Variants in ATRNL1 observed in about 807,000 individuals in gnomAD.
ATRNL1 encodes attractin-like protein 1.
In ATRNL1, 95 loss-of-function variants were observed where a neutral mutation model predicts 182.7. That is an observed-to-expected ratio of 0.52 (90% CI 0.44 to 0.62). The LOEUF is 0.62. Among genes scored for constraint, ATRNL1 ranks in the 20% least tolerant of loss-of-function variants. ATRNL1 has a pLI of 0.00. For missense variants in ATRNL1, 1,471 were observed against 1,679.5 expected, an observed-to-expected ratio of 0.88 and a Z score of 2.17; for synonymous variants, 576 against 568.3, an observed-to-expected ratio of 1.01 and a Z score of -0.19.
At chr10:115,309,648 T>A (rs190282860) in intron 17 of ATRNL1, among the ~76,000 whole-genome samples, 6 of 152,246 alleles carry the variant, frequency 3.9e-5, no homozygotes, top group Admixed American at 3.9e-4. Context: ...CTGAATTGAT[T>A]TATCAAATCT....
intron 28 of ATRNL1, among the ~76,000 whole-genome samples, chr10:115,940,678 TC>T (rs59667061): frequency 0.23 from 32,359 of 142,276 alleles, 4,956 homozygotes; most frequent in African/African-American, 0.47. Context: ...GATTACTCTC[TC>T]TCTCTCTCTC....
chr10:115,413,364 G>A (rs1233244471), intron 20 of ATRNL1, among the ~76,000 whole-genome samples: 6 of 151,998 alleles, frequency 3.9e-5, no homozygotes, highest in South Asian at 2.1e-4. Flanking sequence ...CTGATAGGAC[G>A]TGACATTAAT....
At chr10:115,680,732 AC>A (rs1946018508) in intron 26 of ATRNL1, among the ~76,000 whole-genome samples, 2 of 152,164 alleles carry the variant, frequency 1.3e-5, no homozygotes, top group Non-Finnish European at 1.5e-5. Flanking sequence ...AATGATATGG[AC>A]AAAAATTTTA....
chr10:115,509,829 A>T (rs1345423875), intron 24 of ATRNL1, among the ~76,000 whole-genome samples: 1 of 152,020 alleles, frequency 6.6e-6, no homozygotes. Flanking sequence ...TATAGCTGAC[A>T]TAGGTGATGA....
At chr10:115,799,067 C>T (rs1162345777) in intron 27 of ATRNL1, among the ~76,000 whole-genome samples, 1 of 152,044 alleles carries the variant, frequency 6.6e-6, no homozygotes, top group African/African-American at 2.4e-5. Flanking sequence ...CCTCGTGTTC[C>T]GCCCACCTCA....
chr10:115,706,034 T>C (rs1946885924), intron 26 of ATRNL1, among the ~76,000 whole-genome samples: 1 of 151,934 alleles, frequency 6.6e-6, no homozygotes, highest in South Asian at 2.1e-4. Flanking sequence ...TCCCTGTGGC[T>C]AGTACAACAC....
At chr10:115,632,987 G>T (rs984310785) in intron 26 of ATRNL1, among the ~76,000 whole-genome samples, 1 of 151,758 alleles carries the variant, frequency 6.6e-6, no homozygotes, top group East Asian at 1.9e-4. Flanking sequence ...CCGCCTCCCG[G>T]ATTTAAATGA....
intron 19 of ATRNL1, among the ~76,000 whole-genome samples, chr10:115,360,253 A>C (rs2134153725): frequency 6.6e-6 from 1 of 151,946 alleles, no homozygotes; most frequent in African/African-American, 2.4e-5. Context: ...CAAAAGAATA[A>C]AAATGCATTT....
At chr10:115,161,935 A>G (rs1846806695) in intron 6 of ATRNL1, among the ~76,000 whole-genome samples, 1 of 152,120 alleles carries the variant, frequency 6.6e-6, no homozygotes, top group African/African-American at 2.4e-5. Context: ...TTTAAGACAA[A>G]TTATTCACTA....
At chr10:115,535,393 A>T (rs868958339) in intron 25 of ATRNL1, among the ~76,000 whole-genome samples, 822 of 136,550 alleles carry the variant, frequency 6.0e-3, no homozygotes, top group Middle Eastern at 0.013. Flanking sequence ...CTTCCAGTTG[A>T]TCGCATCGGC....
intron 21 of ATRNL1, among the ~76,000 whole-genome samples, chr10:115,433,285 A>C (rs550101273): frequency 7.4e-4 from 112 of 152,240 alleles, no homozygotes; most frequent in African/African-American, 2.5e-3. Context: ...GAAACCAATT[A>C]ATACTTGAAT....
chr10:115,584,060 T>C (rs1487816510), intron 26 of ATRNL1, among the ~76,000 whole-genome samples: 2 of 152,124 alleles, frequency 1.3e-5, no homozygotes, highest in Non-Finnish European at 2.9e-5. Context: ...CATTTATTGA[T>C]TTGCGTGTAT....
At chr10:115,800,629 G>C (rs1391733434) in intron 27 of ATRNL1, among the ~76,000 whole-genome samples, 1 of 152,150 alleles carries the variant, frequency 6.6e-6, no homozygotes, top group Non-Finnish European at 1.5e-5. Context: ...AATGGACTGA[G>C]TTTTTGTGTC....
intron 21 of ATRNL1, among the ~76,000 whole-genome samples, chr10:115,432,683 G>A (rs1356912656): frequency 6.6e-6 from 1 of 151,996 alleles, no homozygotes. Context: ...ATATTATAAA[G>A]CATGCCTCAC....
intron 12 of ATRNL1, among the ~76,000 whole-genome samples, chr10:115,268,032 A>C (rs1554911442): frequency 6.6e-6 from 1 of 152,084 alleles, no homozygotes; most frequent in African/African-American, 2.4e-5. Context: ...AAGTTCTGGG[A>C]TTGCAGGCAT....
intron 26 of ATRNL1, among the ~76,000 whole-genome samples, chr10:115,696,284 C>A (rs1010873116): frequency 6.6e-6 from 1 of 152,130 alleles, no homozygotes. Flanking sequence ...CTGTGACAAG[C>A]ATACCTGTGC....
At chr10:115,385,936 C>G (rs1301831467) in intron 19 of ATRNL1, among the ~76,000 whole-genome samples, 1 of 152,144 alleles carries the variant, frequency 6.6e-6, no homozygotes, top group South Asian at 2.1e-4. Context: ...GGCCTAATGT[C>G]ATTACCAAAC....
intron 1 of ATRNL1, among the ~76,000 whole-genome samples, chr10:115,100,045 G>A (rs1209748416): frequency 6.6e-6 from 1 of 152,034 alleles, no homozygotes; most frequent in Non-Finnish European, 1.5e-5. Context: ...TAATCCCAGC[G>A]CTTTGGGAGC....
chr10:115,272,826 C>T (rs1436648736), intron 13 of ATRNL1, among the ~76,000 whole-genome samples: 2 of 152,092 alleles, frequency 1.3e-5, no homozygotes, highest in African/African-American at 4.8e-5. Flanking sequence ...CATGATAAGA[C>T]CAGTGAGCAT....
Sources: gnomAD v4.1 joint callset for allele counts (sites outside exome capture counted in the v4.1 genomes callset) on GRCh38, gnomAD v4.1.1 for gene constraint, MANE v1.5 for transcripts, NCBI Gene and HGNC (gene_info 2026-07-23, HGNC 2026-07-21) for gene names.